TOX: variants seen among roughly 807,000 people sequenced by gnomAD.
TOX encodes thymocyte selection-associated high mobility group box protein TOX.
Under a neutral mutation model 53.7 loss-of-function variants are expected in TOX, and 11 were observed. The observed-to-expected ratio is 0.20, with a 90% CI of 0.13 to 0.34. The LOEUF is 0.34. Among genes scored for constraint, TOX ranks in the 10% least tolerant of loss-of-function variants. TOX has a pLI of 1.00. For missense variants in TOX, 570 were observed against 664.6 expected (o/e 0.86, Z 1.56); for synonymous variants, 225 against 245.3 (o/e 0.92, Z 0.77).
intron 1 of TOX, among the ~76,000 whole-genome samples, chr8:59,093,479 C>A (rs992382490): frequency 5.3e-5 from 8 of 152,208 alleles, no homozygotes; most frequent in African/African-American, 1.4e-4. Context: ...CTGCTAAGTA[C>A]TAGAAAAGCT....
At chr8:59,005,111 T>A (rs1015174513) in intron 1 of TOX, among the ~76,000 whole-genome samples, 2 of 152,046 alleles carry the variant, frequency 1.3e-5, no homozygotes, top group African/African-American at 2.4e-5. Flanking sequence ...CGATCTCGGC[T>A]CACTGCAAGC....
chr8:58,964,062 C>G (rs193015286), intron 1 of TOX, among the ~76,000 whole-genome samples: 1 of 151,548 alleles, frequency 6.6e-6, no homozygotes, highest in Admixed American at 6.6e-5. Context: ...AGCACAGATG[C>G]CCTTAAAGAG....
At chr8:58,849,507 T>A (rs943651443) in intron 4 of TOX, among the ~76,000 whole-genome samples, 2 of 152,210 alleles carry the variant, frequency 1.3e-5, no homozygotes, top group Admixed American at 1.3e-4. Context: ...TGTAAATTCA[T>A]GCTTTAGCAA....
rs1164153185 is a variant in TOX at position 59,092,303 on chromosome 8, T to A, written c.102+26583A>T. Among the ~76,000 whole-genome samples, 73 of 104,130 alleles carry A rather than the reference T, an allele frequency of 7.0e-4. 1 individual carries two copies. Among genetic ancestry groups the A allele is most frequent in the African/African-American group, 5.5e-3 (62 of 11,226 alleles). The allele number at this position is 104,130 out of a possible 152,430, so 68.3% of individuals were successfully genotyped here. ...TATATTATATATACATTATATATAT[T>A]ATATATTATATATACATATATATAT... is the stretch of plus-strand genomic sequence containing the variant. On this transcript the variant is annotated intron_variant, in intron 1 of 8. Transcript: ENST00000361421.
At chr8:58,984,673 C>G (rs1813290832) in intron 1 of TOX, among the ~76,000 whole-genome samples, 1 of 151,052 alleles carries the variant, frequency 6.6e-6, no homozygotes, top group Admixed American at 6.6e-5. Flanking sequence ...GTCCCAGCTA[C>G]TCGGGAGGCT....
intron 1 of TOX, among the ~76,000 whole-genome samples, chr8:59,114,044 C>T (rs1002467616): frequency 3.3e-5 from 5 of 152,158 alleles, no homozygotes; most frequent in Admixed American, 3.3e-4. Flanking sequence ...CCAAAACCAA[C>T]ATTTGAGAAC....
chr8:59,008,129 A>T (rs1813826450), intron 1 of TOX, among the ~76,000 whole-genome samples: 1 of 152,204 alleles, frequency 6.6e-6, no homozygotes, highest in South Asian at 2.1e-4. Context: ...AAATGAAAAC[A>T]GTTTTTCTTG....
intron 1 of TOX, among the ~76,000 whole-genome samples, chr8:59,062,560 G>T (rs1804004640): frequency 6.6e-6 from 1 of 152,178 alleles, no homozygotes; most frequent in African/African-American, 2.4e-5. Flanking sequence ...CAATAGAATG[G>T]CTCTTTCGGA....
At chr8:58,979,278 A>G (rs1013050701) in intron 1 of TOX, among the ~76,000 whole-genome samples, 46 of 152,250 alleles carry the variant, frequency 3.0e-4, no homozygotes, top group Non-Finnish European at 5.9e-4. Flanking sequence ...TTTCTAGGTT[A>G]GTGACCAGGA....
intron 1 of TOX, among the ~76,000 whole-genome samples, chr8:59,063,386 G>C (rs1437094216): frequency 2.0e-5 from 3 of 150,980 alleles, no homozygotes; most frequent in Non-Finnish European, 4.4e-5. Flanking sequence ...ACGATGGCCA[G>C]AGAGTTCTAA....
intron 1 of TOX, among the ~76,000 whole-genome samples, chr8:59,028,279 G>A (rs1814281663): frequency 6.6e-6 from 1 of 151,758 alleles, no homozygotes; most frequent in East Asian, 1.9e-4. Flanking sequence ...AAATATGCTA[G>A]GCACATATTT....
chr8:58,821,403 T>C (rs1810273772), intron 6 of TOX, among the ~76,000 whole-genome samples: 2 of 152,224 alleles, frequency 1.3e-5, no homozygotes, highest in Admixed American at 6.5e-5. Flanking sequence ...TCATGCTGTT[T>C]ATTTTTTAAA....
chr8:58,888,176 C>G lies in TOX; in HGVS notation c.412-36371G>C, dbSNP rs144205075. ...CATCATATATGCGGTCCACTGTTGA[C>G]TGAAATGTCATTGTGCAGTTCATGA... On this transcript the variant is annotated intron_variant, in intron 3 of 8. Coordinates refer to ENST00000361421, the MANE Select transcript of TOX (RefSeq NM_014729.3). Among the ~76,000 whole-genome samples the G allele has an allele frequency of 5.3e-5, 8 of 152,184 alleles. 1 individual carries two copies. In the East Asian group the frequency reaches 1.5e-3, roughly 29 times the overall value.
rs1013192237 is a variant in TOX, at chr8:59,068,791, G to A, written c.102+50095C>T. On this transcript the variant is annotated intron_variant, in intron 1 of 8. Coordinates refer to ENST00000361421, the MANE Select transcript of TOX (RefSeq NM_014729.3). ...CCTAGGTTTGTAACCACTTCACTAAGAATTACAACATTACCTATCATCCTA... is the reference window on the plus strand; with the variant it reads ...CCTAGGTTTGTAACCACTTCACTAAAAATTACAACATTACCTATCATCCTA... Among the ~76,000 whole-genome samples the A allele has an allele frequency of 3.3e-5, 5 of 152,266 alleles. No individual in the cohort carries two copies. The South Asian group carries it at 1.0e-3, about 32-fold the overall frequency.
chr8:59,080,697 C>A (rs1272544023), intron 1 of TOX, among the ~76,000 whole-genome samples: 1 of 152,098 alleles, frequency 6.6e-6, no homozygotes, highest in Non-Finnish European at 1.5e-5. Flanking sequence ...TGAGTTCTCA[C>A]AAGATCCGGT....
intron 3 of TOX, among the ~76,000 whole-genome samples, chr8:58,920,435 T>G (rs1812046331): frequency 1.6e-5 from 1 of 62,244 alleles, no homozygotes; most frequent in African/African-American, 6.5e-5. Flanking sequence ...GAAACCATCA[T>G]TCTCAGTAAA....
At chr8:59,016,334 C>A (rs1814009004) in intron 1 of TOX, among the ~76,000 whole-genome samples, 1 of 152,054 alleles carries the variant, frequency 6.6e-6, no homozygotes, top group South Asian at 2.1e-4. Flanking sequence ...CACTTTCCCC[C>A]CAAAACTGGA....
intron 3 of TOX, among the ~76,000 whole-genome samples, chr8:58,907,995 A>T (rs942321962): frequency 6.6e-6 from 1 of 152,196 alleles, no homozygotes; most frequent in African/African-American, 2.4e-5. Context: ...TTACATAGGT[A>T]AACATGTGCT....
chr8:58,906,927 C>T (rs1811825147), intron 3 of TOX, among the ~76,000 whole-genome samples: 2 of 152,190 alleles, frequency 1.3e-5, no homozygotes, highest in African/African-American at 2.4e-5. Context: ...GTTCTGGCAA[C>T]ACTGTTTCTG....
Sources: allele counts gnomAD v4.1 joint callset (sites outside exome capture counted in the v4.1 genomes callset), GRCh38; gene constraint gnomAD v4.1.1; transcripts MANE v1.5; gene names NCBI Gene and HGNC (gene_info 2026-07-23, HGNC 2026-07-21).